DHX57: variants seen among roughly 807,000 people sequenced by gnomAD.
DHX57 encodes the protein DExH-box helicase 57.
A neutral mutation model predicts 156.2 loss-of-function variants in DHX57; 105 were observed. That is an observed-to-expected ratio of 0.67 (90% CI 0.57 to 0.79). The LOEUF is 0.79. Ranked by LOEUF, DHX57 falls within the 30% of genes least tolerant of loss-of-function variation. The pLI is 0.00. For missense variants in DHX57, 1,847 were observed against 1,661.9 expected (o/e 1.11, Z -1.94); for synonymous variants, 704 against 595.6 (o/e 1.18, Z -2.65).
chr2:38,854,957 T>A (rs1240802233), intron 8 of DHX57, 100 bp downstream of exon 8: 1 of 1,086,690 alleles, frequency 9.2e-7, no homozygotes, highest in South Asian at 1.3e-5. Flanking sequence ...AACCTGAAAG[T>A]ATATATCCCA....
At chr2:38,849,612 G>A (rs1485530898) in intron 9 of DHX57, among the ~76,000 whole-genome samples, 3 of 151,972 alleles carry the variant, frequency 2.0e-5, no homozygotes, top group African/African-American at 7.3e-5. Flanking sequence ...CTTCTCATTA[G>A]AATTCTTACT....
At chr2:38,863,221 A>G (rs1673328641) in intron 3 of DHX57, 140 bp downstream of exon 3, 3 of 849,496 alleles carry the variant, frequency 3.5e-6, no homozygotes, top group East Asian at 5.4e-5. Context: ...TTATTCTTGT[A>G]TTACTCTTGG....
chr2:38,831,432 C>T (rs892697028), intron 13 of DHX57, among the ~76,000 whole-genome samples: 11 of 151,646 alleles, frequency 7.3e-5, no homozygotes, highest in South Asian at 2.1e-4. Flanking sequence ...TGGGTTCAAG[C>T]GATTCTCCTG....
rs781303042 is a variant in DHX57, at chr2:38,826,559, C to A, written c.2770G>T (p.Asp924Tyr). 1 of 1,614,016 alleles carries A rather than the reference C, an allele frequency of 6.2e-7. No homozygotes were observed. The highest frequency in any genetic ancestry group is 1.7e-5 in the Admixed American group (1 of 59,988). ...NIAETSITID[D>Y]VVYVIDSGKM... ...CCAGAATCGATAACATAGACAACATCATCGATGGTTATGGATGTCTCAGCA... is the reference window on the plus strand; with the variant it reads ...CCAGAATCGATAACATAGACAACATAATCGATGGTTATGGATGTCTCAGCA... The change falls in exon 15 of 24, where the codon GAT becomes TAT. Residue 924 changes from aspartate to tyrosine, a missense_variant. Transcript: ENST00000457308.
intron 17 of DHX57, among the ~76,000 whole-genome samples, 167 bp downstream of exon 17, chr2:38,822,826 A>C (rs1002500308): frequency 6.6e-6 from 1 of 152,154 alleles, no homozygotes; most frequent in Non-Finnish European, 1.5e-5. Flanking sequence ...CTTTTCAGAA[A>C]TTTATTTTTG....
intron 12 of DHX57, among the ~76,000 whole-genome samples, chr2:38,841,070 G>A (rs1433096097): frequency 6.6e-6 from 1 of 152,160 alleles, no homozygotes; most frequent in Non-Finnish European, 1.5e-5. Context: ...TGATCCTCCT[G>A]CCTCAGCCTC....
Position 38,847,076 on chromosome 2 carries a change from A to G in DHX57, c.2165-3T>C, listed in dbSNP as rs765806384. ...TTGATCAACAGGAAATGTACGACCTAGAAAAACAAGGAGACAAAATAGAAA... is the reference window on the plus strand; with the variant it reads ...TTGATCAACAGGAAATGTACGACCTGGAAAAACAAGGAGACAAAATAGAAA... On this transcript the variant is annotated splice_region_variant and splice_polypyrimidine_tract_variant and intron_variant, in intron 10 of 23. Coordinates refer to ENST00000457308, the MANE Select transcript of DHX57 (RefSeq NM_198963.3). 1 of 1,613,032 alleles carries G rather than the reference A, an allele frequency of 6.2e-7. No individual in the cohort carries two copies. Among genetic ancestry groups the G allele is most frequent in the Non-Finnish European group, 8.5e-7 (1 of 1,179,244 alleles).
At chr2:38,831,076 A>T (rs1308306488) in intron 13 of DHX57, among the ~76,000 whole-genome samples, 5 of 152,062 alleles carry the variant, frequency 3.3e-5, no homozygotes, top group African/African-American at 1.2e-4. Flanking sequence ...TCAAAAAGAA[A>T]AATTAAAAAA....
chr2:38,798,065 G>T lies in DHX57; in HGVS notation c.*234C>A. The T allele has an allele frequency of 2.4e-6, 1 of 416,094 alleles. No individual in the cohort carries two copies. Among genetic ancestry groups the T allele is most frequent in the Non-Finnish European group, 4.4e-6 (1 of 226,532 alleles). 25.8% of individuals were successfully genotyped at this position (416,094 alleles called of 1,614,324 possible). A position where few individuals can be genotyped will look rare whatever the true frequency, so the allele number is the denominator to read the frequency against. ...CAATCACAGAGACAAAGACAGGCAA[G>T]CTGGGTTTTAGGCTCTCACCCTTGA... On this transcript the variant is annotated 3_prime_UTR_variant, in exon 24 of 24. Transcript: ENST00000457308.
intron 17 of DHX57, 144 bp from the exon 18 acceptor site, chr2:38,819,288 C>A: frequency 1.4e-6 from 1 of 718,570 alleles, no homozygotes; most frequent in Non-Finnish European, 2.3e-6. Flanking sequence ...AATCCTCCTG[C>A]CTCAGCCTCC....
At chr2:38,804,373 C>T (rs1474184797) in intron 22 of DHX57, among the ~76,000 whole-genome samples, 1 of 152,042 alleles carries the variant, frequency 6.6e-6, no homozygotes, top group Non-Finnish European at 1.5e-5. Context: ...GCCTGTAATC[C>T]CAGCTACTCA....
At position 38,806,681 on chromosome 2, in the gene DHX57, C is replaced by G. The variant is rs756456813; in HGVS notation, c.3694G>C (p.Glu1232Gln). 9.3e-6 allele frequency: 15 copies of G among 1,613,732 alleles called. No individual in the cohort carries two copies. In the South Asian group the frequency reaches 1.2e-4, roughly 13 times the overall value. ...YPNVVQVKSP[E>Q]GKFQKTSTGA... is the part of the protein sequence containing the mutation. ...GTACTGGTCTTCTGAAATTTTCCTT[C>G]TGGGCTTTTCACCTAAACAACAAGT... The change falls in exon 22 of 24, where the codon GAA becomes CAA. Residue 1232 changes from glutamate (E) to glutamine (Q), a missense_variant. Physicochemically the swap from Glu to Gln is conservative, Grantham distance 29. Coordinates refer to ENST00000457308, the MANE Select transcript of DHX57 (RefSeq NM_198963.3).
intron 9 of DHX57, among the ~76,000 whole-genome samples, chr2:38,850,289 A>G (rs1672514996): frequency 6.6e-6 from 1 of 151,944 alleles, no homozygotes; most frequent in Admixed American, 6.6e-5. Context: ...CGTTTTTCTT[A>G]CCTTTTTTTT....
rs1325512814 is a variant in DHX57 at position 38,861,772 on chromosome 2, G to A, written c.638C>T (p.Ser213Leu). 1 of 1,614,108 alleles carries A rather than the reference G, an allele frequency of 6.2e-7. No homozygotes were observed. Among genetic ancestry groups the A allele is most frequent in the Non-Finnish European group, 8.5e-7 (1 of 1,180,012 alleles). ...ACACTGGGTAAGGAGATGCTCTAGT[G>A]ATGCTCCCACATCTCCATCACACAT... ...LRMCDGDVGA[S>L]LEHLLTQCFS... The change falls in exon 5 of 24, where the codon TCA becomes TTA. Residue 213 changes from serine to leucine, a missense_variant. Transcript: ENST00000457308.
rs995218568 is a variant in DHX57, at chr2:38,829,518, C to T, written c.2543-1082G>A. On this transcript the variant is annotated intron_variant, in intron 13 of 23. Transcript: ENST00000457308. Reference sequence around the variant, plus strand: ...AACTCCTGACCTCGTGATCTGCCCGCCTTGGCCTCCAAAAGTGCTGGGATT... The same window carrying T: ...AACTCCTGACCTCGTGATCTGCCCGTCTTGGCCTCCAAAAGTGCTGGGATT... Among the ~76,000 whole-genome samples, 6 of 152,120 alleles carry T rather than the reference C, an allele frequency of 3.9e-5. No homozygotes were observed. The South Asian group carries it at 6.2e-4, about 16-fold the overall frequency.
At chr2:38,840,574 A>AAAC (rs138625012) in intron 12 of DHX57, among the ~76,000 whole-genome samples, 4 of 150,270 alleles carry the variant, frequency 2.7e-5, no homozygotes, top group Non-Finnish European at 5.9e-5. Flanking sequence ...TGTTTTTTTT[A>AAAC]AAACAAACAA....
intron 17 of DHX57, among the ~76,000 whole-genome samples, chr2:38,821,258 A>C (rs1250669437): frequency 6.6e-6 from 1 of 152,186 alleles, no homozygotes; most frequent in Non-Finnish European, 1.5e-5. Flanking sequence ...TTATATAAAA[A>C]AGAAAGATCT....
chr2:38,868,249 C>A lies in DHX57; in HGVS notation c.157G>T (p.Ala53Ser), dbSNP rs745912432. 13 of 1,614,078 alleles carry A rather than the reference C, an allele frequency of 8.1e-6. 2 individuals are homozygous for A. Among genetic ancestry groups the A allele is most frequent in the Middle Eastern group, 3.3e-4 (2 of 6,046 alleles). ...CCATCATCCCATATTCTACTGGAGG[C>A]CTTTCTGTTGCCGCCACCTCCACCA... Reference protein sequence around the residue: ...GGGGGGGNRKASSRIWDDGDD... With the variant: ...GGGGGGGNRKSSSRIWDDGDD... Residue 53 changes from alanine to serine, a missense_variant, in exon 2 of 24, where the codon GCC becomes TCC. By Grantham distance (99) the Ala-to-Ser change is moderately conservative. Transcript: ENST00000457308.
At chr2:38,811,209 C>A in intron 21 of DHX57, 1 of 495,674 alleles carries the variant, frequency 2.0e-6, no homozygotes, top group South Asian at 1.8e-5. Flanking sequence ...TCACTGCGGC[C>A]CTTGGACTGG....
Sources: allele counts gnomAD v4.1 joint callset (sites outside exome capture counted in the v4.1 genomes callset), GRCh38; gene constraint gnomAD v4.1.1; transcripts MANE v1.5; gene names NCBI Gene and HGNC (gene_info 2026-07-23, HGNC 2026-07-21).